POLR3GL: variants seen among roughly 807,000 people sequenced by gnomAD.
POLR3GL encodes DNA-directed RNA polymerase III subunit RPC7-like.
A neutral mutation model predicts 32.4 loss-of-function variants in POLR3GL; 26 were observed. That is an observed-to-expected ratio of 0.80 (90% CI 0.59 to 1.11). The LOEUF (loss-of-function observed/expected upper bound fraction) is 1.11. Among genes scored for constraint, POLR3GL ranks in the 50% most tolerant of loss-of-function variants. POLR3GL has a pLI of 0.00. For synonymous variants in POLR3GL, 95 were observed against 98.7 expected (o/e 0.96, Z 0.22); for missense variants, 229 against 280.1 (o/e 0.82, Z 1.30).
chr1:145,969,921 C>CAA (rs1353132714), intron 1 of POLR3GL, among the ~76,000 whole-genome samples: 3,179 of 65,016 alleles, frequency 0.049, 165 homozygotes, highest in African/African-American at 0.15. Flanking sequence ...GACTCTGTCT[C>CAA]AAAAAAAAAA....
chr1:145,970,913 G>A (rs1553762567), intron 1 of POLR3GL, among the ~76,000 whole-genome samples: 1 of 120,012 alleles, frequency 8.3e-6, no homozygotes, highest in African/African-American at 3.2e-5. Context: ...AATGCCGGGC[G>A]CAGTGGCTCA....
chr1:145,976,084 A>G (rs587760686), intron 3 of POLR3GL, among the ~76,000 whole-genome samples: 21 of 152,042 alleles, frequency 1.4e-4, no homozygotes, highest in African/African-American at 5.1e-4. Flanking sequence ...AGGCCAGCCT[A>G]GCCAATACGG....
intron 1 of POLR3GL, among the ~76,000 whole-genome samples, chr1:145,969,085 T>TA (rs1553762301): frequency 2.6e-5 from 4 of 152,106 alleles, no homozygotes; most frequent in Non-Finnish European, 1.5e-5. Flanking sequence ...AGTATTCTGT[T>TA]ACGACATTTA....
intron 1 of POLR3GL, among the ~76,000 whole-genome samples, chr1:145,966,479 G>T (rs1553762069): frequency 9.5e-6 from 1 of 104,992 alleles, no homozygotes; most frequent in African/African-American, 4.1e-5. Flanking sequence ...GCAAGAACCT[G>T]TCTCAAAAAA....
chr1:145,975,185 TC>T (rs1461971683), intron 2 of POLR3GL, 121 bp from the exon 3 acceptor site: 2 of 1,369,484 alleles, frequency 1.5e-6, no homozygotes, highest in Non-Finnish European at 2.0e-6. Context: ...AATATGTTAC[TC>T]CCTCGATTGT....
At chr1:145,972,845 A>G (rs1650383035) in intron 1 of POLR3GL, among the ~76,000 whole-genome samples, 1 of 152,068 alleles carries the variant, frequency 6.6e-6, no homozygotes, top group African/African-American at 2.4e-5. Context: ...CCACGGGTGC[A>G]TGCCACCATG....
intron 1 of POLR3GL, among the ~76,000 whole-genome samples, chr1:145,971,863 G>T (rs1224815427): frequency 6.7e-6 from 1 of 149,022 alleles, no homozygotes; most frequent in African/African-American, 2.5e-5. Flanking sequence ...TATTCAGGAG[G>T]CTGAGGCAGG....
At position 145,964,734 on chromosome 1, in the gene POLR3GL, C is replaced by T. The variant is rs781884164; in HGVS notation, c.-76C>T. 1 of 152,226 alleles carries T rather than the reference C, an allele frequency of 6.6e-6. No individual in the cohort carries two copies. Among genetic ancestry groups the T allele is most frequent in the Non-Finnish European group, 1.5e-5 (1 of 68,082 alleles). 9.4% of individuals were successfully genotyped at this position (152,226 alleles called of 1,614,324 possible). On this transcript the variant is annotated 5_prime_UTR_variant, in exon 1 of 8. Coordinates refer to ENST00000369314, the MANE Select transcript of POLR3GL (RefSeq NM_032305.3). ...GAAGCCCAGTACATTTCAAGTTGGT[C>T]GCGGCTTGGGCTCCGCTTTGGGGAG...
chr1:145,973,161 C>T (rs1274609339), intron 1 of POLR3GL, among the ~76,000 whole-genome samples: 1 of 152,084 alleles, frequency 6.6e-6, no homozygotes, highest in Non-Finnish European at 1.5e-5. Flanking sequence ...TATGAGAAAC[C>T]AAGATCTGGG....
intron 7 of POLR3GL, 60 bp from the exon 8 acceptor site, chr1:145,978,301 G>A (rs1650656885): frequency 1.5e-6 from 2 of 1,370,432 alleles, no homozygotes; most frequent in Non-Finnish European, 2.1e-6. Context: ...AAAGGGGTCT[G>A]GTACACAGGA....
Position 145,978,030 on chromosome 1 carries a change from G to A in POLR3GL, c.504G>A (p.Glu168=), listed in dbSNP as rs374164450. Residue 168 remains glutamate (E), a synonymous_variant, in exon 7 of 8, where the codon GAG becomes GAA. Transcript: ENST00000369314. ...EEEVTSEEDE[E]KEEEEEKEEE... ...AAGTAACTTCAGAGGAGGATGAGGA[G>A]AAAGAAGAAGAAGAAGAGAAGGAAG... 161 of 1,607,230 alleles carry A rather than the reference G, an allele frequency of 1.0e-4. No individual in the cohort carries two copies. The highest frequency in any genetic ancestry group is 1.3e-4 in the Non-Finnish European group (155 of 1,174,094).
chr1:145,971,964 C>CAAAAAAAAAA (rs1187495263), intron 1 of POLR3GL, among the ~76,000 whole-genome samples: 1 of 45,584 alleles, frequency 2.2e-5, no homozygotes, highest in Non-Finnish European at 3.4e-5. Flanking sequence ...GACTCTGTCT[C>CAAAAAAAAAA]AAAAAAAAAA....
chr1:145,968,814 G>T lies in POLR3GL; in HGVS notation c.-42+4046G>T, dbSNP rs185736981. 2.6e-5 allele frequency among the ~76,000 whole-genome samples: 4 copies of T among 151,926 alleles called. No homozygotes were observed. The South Asian group carries it at 8.3e-4, about 32-fold the overall frequency. Reference sequence around the variant, plus strand: ...TCTTGAACTCCTGACCTCGTGATCCGCCCACCTCAGCCTCCTAAAGTGCTG... The same window carrying T: ...TCTTGAACTCCTGACCTCGTGATCCTCCCACCTCAGCCTCCTAAAGTGCTG... On this transcript the variant is annotated intron_variant, in intron 1 of 7. Transcript: ENST00000369314.
chr1:145,971,993 T>A (rs4970849), intron 1 of POLR3GL, among the ~76,000 whole-genome samples: 7,487 of 73,816 alleles, frequency 0.1, 681 homozygotes, highest in African/African-American at 0.22. Context: ...AAAAAAAATA[T>A]ATATATATAT....
chr1:145,971,177 C>T (rs1329311461), intron 1 of POLR3GL, among the ~76,000 whole-genome samples: 28 of 96,934 alleles, frequency 2.9e-4, no homozygotes, highest in South Asian at 2.2e-3. Flanking sequence ...AAGAGCGAAA[C>T]TCCATCTCAA....
At chr1:145,966,997 A>G (rs587676287) in intron 1 of POLR3GL, among the ~76,000 whole-genome samples, 101 of 152,290 alleles carry the variant, frequency 6.6e-4, no homozygotes, top group Non-Finnish European at 1.1e-3. Flanking sequence ...GATTAGGGAT[A>G]TAAACATTTC....
At position 145,974,881 on chromosome 1, in the gene POLR3GL, G is replaced by A. The variant is rs782248888; in HGVS notation, c.16G>A (p.Gly6Arg). ...CCCCTCCACCATGGCCAGCCGGGGT[G>A]GGGGCCGGGGTCGTGGCCGGGGCCA... Reference protein sequence around the residue: MASRGGGRGRGRGQLT... With the variant: MASRGRGRGRGRGQLT... Residue 6 changes from glycine (G) to arginine (R), a missense_variant, in exon 2 of 8, where the codon GGG becomes AGG. Gly to Arg is a moderately radical substitution (Grantham distance 125). Coordinates refer to ENST00000369314, the MANE Select transcript of POLR3GL (RefSeq NM_032305.3). The A allele has an allele frequency of 2.6e-6, 4 of 1,515,762 alleles. No individual in the cohort carries two copies. The highest frequency in any genetic ancestry group is 3.5e-6 in the Non-Finnish European group (4 of 1,141,410). The allele number at this position is 1,515,762 out of a possible 1,614,324, so 93.9% of individuals were successfully genotyped here.
At chr1:145,977,331 A>G in intron 4 of POLR3GL, 152 bp from the exon 5 acceptor site, 1 of 847,316 alleles carries the variant, frequency 1.2e-6, no homozygotes, top group Non-Finnish European at 2.0e-6. Flanking sequence ...AATAGTTCCC[A>G]CTACTCAGGA....
At chr1:145,976,167 C>T (rs587755518) in intron 3 of POLR3GL, among the ~76,000 whole-genome samples, 3 of 151,798 alleles carry the variant, frequency 2.0e-5, no homozygotes, top group South Asian at 4.2e-4. Flanking sequence ...CTCAGCTACT[C>T]GGGAGGCTGA....
Sources: gnomAD v4.1 joint callset for allele counts (sites outside exome capture counted in the v4.1 genomes callset) on GRCh38, gnomAD v4.1.1 for gene constraint, MANE v1.5 for transcripts, NCBI Gene and HGNC (gene_info 2026-07-23, HGNC 2026-07-21) for gene names.